TTC28: variants seen among roughly 807,000 people sequenced by gnomAD.
TTC28 encodes tetratricopeptide repeat domain 28.
A neutral mutation model predicts 198.0 loss-of-function variants in TTC28; 61 were observed. That is an observed-to-expected ratio of 0.31 (90% CI 0.25 to 0.38). TTC28 has a LOEUF of 0.38. Among genes scored for constraint, TTC28 ranks in the 10% least tolerant of loss-of-function variants. The pLI is 1.00. For missense variants in TTC28, 2,678 were observed against 3,164.0 expected, an observed-to-expected ratio of 0.85 and a Z score of 3.69; for synonymous variants, 1,171 against 1,297.8, an observed-to-expected ratio of 0.90 and a Z score of 2.10.
intron 2 of TTC28, among the ~76,000 whole-genome samples, chr22:28,540,237 C>T (rs1165579472): frequency 6.6e-6 from 1 of 151,952 alleles, no homozygotes; most frequent in African/African-American, 2.4e-5. Flanking sequence ...TGAGCCACTG[C>T]GCCTGGCCCA....
intron 12 of TTC28, among the ~76,000 whole-genome samples, chr22:28,039,320 C>T (rs1939509342): frequency 6.6e-6 from 1 of 152,084 alleles, no homozygotes; most frequent in Non-Finnish European, 1.5e-5. Context: ...CACATATACA[C>T]CATGGAATAC....
intron 2 of TTC28, among the ~76,000 whole-genome samples, chr22:28,496,864 C>T (rs902228450): frequency 1.3e-5 from 2 of 152,078 alleles, no homozygotes; most frequent in African/African-American, 2.4e-5. Flanking sequence ...ACCCTTGGTC[C>T]TCCTCCTCAC....
At chr22:28,190,383 C>T (rs1204313454) in intron 5 of TTC28, among the ~76,000 whole-genome samples, 1 of 152,120 alleles carries the variant, frequency 6.6e-6, no homozygotes, top group African/African-American at 2.4e-5. Context: ...GGATTTGAGC[C>T]CAGTCATTCC....
At chr22:28,038,818 T>C (rs1411273689) in intron 12 of TTC28, among the ~76,000 whole-genome samples, 1 of 152,066 alleles carries the variant, frequency 6.6e-6, no homozygotes, top group African/African-American at 2.4e-5. Flanking sequence ...CAAACAAATT[T>C]ACAAGAAAAT....
At chr22:28,025,793 C>G (rs1346688785) in intron 13 of TTC28, among the ~76,000 whole-genome samples, 1 of 152,116 alleles carries the variant, frequency 6.6e-6, no homozygotes, top group Non-Finnish European at 1.5e-5. Flanking sequence ...TCACTTGAGC[C>G]CAGGAGTTTG....
At chr22:28,100,215 T>C (rs1942102746) in intron 9 of TTC28, among the ~76,000 whole-genome samples, 1 of 152,238 alleles carries the variant, frequency 6.6e-6, no homozygotes, top group African/African-American at 2.4e-5. Context: ...TACAGAATTC[T>C]AAGACTAAGA....
rs998859797 is a variant in TTC28, at chr22:28,294,662, G to A, written c.933+1536C>T. On this transcript the variant is annotated intron_variant, in intron 5 of 22. Transcript: ENST00000397906. ...CAGCTCATTGCAACCTCCACTTCCC[G>A]GGTTGAAGCAATTCTCCTGCCTCAG... Among the ~76,000 whole-genome samples, 7 of 151,654 alleles carry A rather than the reference G, an allele frequency of 4.6e-5. No individual in the cohort carries two copies. In the South Asian group the frequency reaches 1.3e-3, roughly 27 times the overall value.
chr22:28,110,187 A>G (rs1220486233), intron 6 of TTC28, among the ~76,000 whole-genome samples: 1 of 151,916 alleles, frequency 6.6e-6, no homozygotes, highest in African/African-American at 2.4e-5. Context: ...TGTGGGGACC[A>G]CTCTGCTGGT....
chr22:28,494,917 T>C (rs181038914), intron 2 of TTC28, among the ~76,000 whole-genome samples: 2 of 151,318 alleles, frequency 1.3e-5, no homozygotes, highest in East Asian at 3.9e-4. Flanking sequence ...GAAACAAGAA[T>C]GGGATACTAA....
chr22:28,130,593 T>TGAATGCAGATGCAGAAA (rs993769991), intron 6 of TTC28, among the ~76,000 whole-genome samples: 1 of 152,216 alleles, frequency 6.6e-6, no homozygotes, highest in Admixed American at 6.5e-5. Context: ...CACTTCTGGG[T>TGAATGCAGATGCAGAAA]GAATGCAGAT....
intron 5 of TTC28, among the ~76,000 whole-genome samples, chr22:28,215,828 T>C (rs746696849): frequency 6.6e-6 from 1 of 152,182 alleles, no homozygotes; most frequent in Non-Finnish European, 1.5e-5. Flanking sequence ...TTAGGAATGG[T>C]GCAAATATAA....
chr22:28,074,906 C>A (rs1941118935), intron 12 of TTC28, among the ~76,000 whole-genome samples: 1 of 152,124 alleles, frequency 6.6e-6, no homozygotes, highest in Admixed American at 6.6e-5. Context: ...TTGAGACCAG[C>A]CTGGCCAACA....
chr22:28,509,601 C>A (rs998614553), intron 2 of TTC28, among the ~76,000 whole-genome samples: 15 of 152,060 alleles, frequency 9.9e-5, no homozygotes, highest in African/African-American at 3.6e-4. Context: ...AAGTCAATAA[C>A]CTAACATCTC....
intron 2 of TTC28, among the ~76,000 whole-genome samples, chr22:28,586,403 AG>A (rs200207094): frequency 0.015 from 2,225 of 152,262 alleles, 26 homozygotes; most frequent in Non-Finnish European, 0.023. Flanking sequence ...ATTTTTAAAA[AG>A]AATCTATAGA....
chr22:27,979,862 T>C lies in TTC28; in HGVS notation c.*2359A>G, dbSNP rs1936957088. 6.6e-6 allele frequency: 1 copy of C among 152,214 alleles called. No individual in the cohort carries two copies. Among genetic ancestry groups the C allele is most frequent in the Non-Finnish European group, 1.5e-5 (1 of 68,046 alleles). The allele number at this position is 152,214 out of a possible 1,614,324, so 9.4% of individuals were successfully genotyped here. A position where few individuals can be genotyped will look rare whatever the true frequency, so the allele number is the denominator to read the frequency against. Reference sequence around the variant, plus strand: ...TTCTATCATTTTATCACTTTTGTTTTCCCTTCCTTGAAACTTATATTTAAG... The same window carrying C: ...TTCTATCATTTTATCACTTTTGTTTCCCCTTCCTTGAAACTTATATTTAAG... On this transcript the variant is annotated 3_prime_UTR_variant, in exon 23 of 23. Coordinates refer to ENST00000397906, the MANE Select transcript of TTC28 (RefSeq NM_001145418.2).
At chr22:28,175,045 G>A (rs1923031743) in intron 5 of TTC28, among the ~76,000 whole-genome samples, 1 of 151,202 alleles carries the variant, frequency 6.6e-6, no homozygotes, top group Non-Finnish European at 1.5e-5. Context: ...AAAAGGACTG[G>A]GAAAATTTAA....
At chr22:28,498,248 A>T (rs2048484535) in intron 2 of TTC28, among the ~76,000 whole-genome samples, 1 of 152,164 alleles carries the variant, frequency 6.6e-6, no homozygotes, top group South Asian at 2.1e-4. Flanking sequence ...CAACGAACAG[A>T]TCAACCACGA....
At chr22:27,999,661 A>G in intron 15 of TTC28, 1 of 178,696 alleles carries the variant, frequency 5.6e-6, no homozygotes, top group Non-Finnish European at 1.2e-5. Context: ...GGGCTTTGAA[A>G]AGTGATTTTG....
chr22:28,048,293 A>T (rs1601558911), intron 12 of TTC28, among the ~76,000 whole-genome samples: 2 of 152,264 alleles, frequency 1.3e-5, no homozygotes, highest in Admixed American at 1.3e-4. Flanking sequence ...AGAAGTTCTC[A>T]GCCCTGGACA....
Sources: allele counts gnomAD v4.1 joint callset (sites outside exome capture counted in the v4.1 genomes callset), GRCh38; gene constraint gnomAD v4.1.1; transcripts MANE v1.5; gene names NCBI Gene and HGNC (gene_info 2026-07-23, HGNC 2026-07-21).